RAB11B: variants seen among roughly 807,000 people sequenced by gnomAD.
The protein encoded by RAB11B is RAB11B, member RAS oncogene family, also known as ras-related protein Rab-11B.
A neutral mutation model predicts 23.7 loss-of-function variants in RAB11B; 7 were observed. The observed-to-expected ratio is 0.29, with a 90% CI of 0.17 to 0.55. RAB11B has a LOEUF of 0.55. RAB11B is among the 20% of genes least tolerant of loss of function. RAB11B has a pLI of 0.93. For missense variants in RAB11B, 189 were observed against 320.0 expected (o/e 0.59, Z 3.12); for synonymous variants, 138 against 132.0 (o/e 1.05, Z -0.31).
At chr19:8,390,854 A>G (rs1599683418) in intron 1 of RAB11B, among the ~76,000 whole-genome samples, 1 of 148,564 alleles carries the variant, frequency 6.7e-6, no homozygotes, top group Admixed American at 6.7e-5. Context: ...CTAAGGCGTG[A>G]TGGGCGTGAC....
chr19:8,402,282 G>C lies in RAB11B; in HGVS notation c.430+3G>C. 1.9e-6 allele frequency: 3 copies of C among 1,551,776 alleles called. No homozygotes were observed. The highest frequency in any genetic ancestry group is 2.6e-6 in the Non-Finnish European group (3 of 1,147,964). On this transcript the variant is annotated splice_donor_region_variant and intron_variant, in intron 3 of 4. Transcript: ENST00000328024. The stretch of plus-strand genomic sequence containing the variant: ...TGACGAGGCCCGCGCCTTCGCAGGT[G>C]AGCAGACGGAGACGCAGGCATCAGA...
At chr19:8,403,316 T>G in intron 4 of RAB11B, 97 bp from the exon 5 acceptor site, 1 of 1,460,078 alleles carries the variant, frequency 6.8e-7, no homozygotes, top group South Asian at 1.3e-5. Context: ...GCTGTGGGGG[T>G]CTGGAGAGGG....
chr19:8,401,843 A>T (rs1404866689), intron 2 of RAB11B, among the ~76,000 whole-genome samples: 1 of 151,802 alleles, frequency 6.6e-6, no homozygotes, highest in Non-Finnish European at 1.5e-5. Flanking sequence ...TTTTTTGATG[A>T]CCTCACGGTA....
chr19:8,399,981 C>T lies in RAB11B; in HGVS notation c.159C>T (p.Ile53=), dbSNP rs150629832. Residue 53 remains isoleucine (I), a synonymous_variant, in exon 2 of 5, where the codon ATC becomes ATT. Transcript: ENST00000328024. ...TIGVEFATRS[I]QVDGKTIKAQ... is the part of the protein sequence containing the mutation. ...GCGTGGAGTTCGCCACCCGCAGCAT[C>T]CAGGTGGACGGCAAGACCATCAAGG... 6 of 1,614,100 alleles carry T rather than the reference C, an allele frequency of 3.7e-6. No homozygotes were observed. Among genetic ancestry groups the T allele is most frequent in the Non-Finnish European group, 5.1e-6 (6 of 1,180,024 alleles).
At chr19:8,390,591 A>G (rs1971340218) in intron 1 of RAB11B, 135 bp downstream of exon 1, 3 of 975,012 alleles carry the variant, frequency 3.1e-6, no homozygotes, top group African/African-American at 1.7e-5. Flanking sequence ...GCAGCCGGGA[A>G]GGCCGGAGCC....
At chr19:8,401,849 C>T (rs969970474) in intron 2 of RAB11B, among the ~76,000 whole-genome samples, 6 of 152,216 alleles carry the variant, frequency 3.9e-5, no homozygotes, top group South Asian at 2.1e-4. Context: ...GATGACCTCA[C>T]GGTATCTTCT....
chr19:8,392,404 T>C (rs1216586351), intron 1 of RAB11B, among the ~76,000 whole-genome samples: 2 of 150,294 alleles, frequency 1.3e-5, no homozygotes, highest in Non-Finnish European at 3.0e-5. Context: ...GACTGCTTCC[T>C]GGAAACACTG....
chr19:8,403,666 C>G lies in RAB11B; in HGVS notation c.*108C>G. ...CTGTGGCCGGCTCGTTCCAGCCCTC[C>G]CAGTGAGCTCTGCACGGCCGGGCCG... is the stretch of plus-strand genomic sequence containing the variant. On this transcript the variant is annotated 3_prime_UTR_variant, in exon 5 of 5. Transcript: ENST00000328024. The G allele has an allele frequency of 6.9e-7, 1 of 1,455,686 alleles. No homozygotes were observed. Among genetic ancestry groups the G allele is most frequent in the South Asian group, 1.3e-5 (1 of 76,290 alleles). The allele number at this position is 1,455,686 out of a possible 1,614,324, so 90.2% of individuals were successfully genotyped here.
chr19:8,402,403 G>A lies in RAB11B; in HGVS notation c.431-82G>A. 4 of 1,560,550 alleles carry A rather than the reference G, an allele frequency of 2.6e-6. No homozygotes were observed. The South Asian group carries it at 4.6e-5, about 18-fold the overall frequency. On this transcript the variant is annotated intron_variant, in intron 3 of 4. Transcript: ENST00000328024. ...GAGGAGTGGCCTTGGGATGGGCCAG[G>A]TGGGTGGGCGGGGTCCCTGAGAGCA... is the stretch of plus-strand genomic sequence containing the variant.
Position 8,396,555 on chromosome 19 carries a change from C to T in RAB11B, c.41-3308C>T, listed in dbSNP as rs1013566415. 6.6e-6 allele frequency among the ~76,000 whole-genome samples: 1 copy of T among 152,036 alleles called. No homozygotes were observed. Among genetic ancestry groups the T allele is most frequent in the Non-Finnish European group, 1.5e-5 (1 of 68,008 alleles). ...TCTTGGCCAAGTGGCATTTAAGGGG[C>T]CACACGAAGGGGATGAGGGAGGGAG... On this transcript the variant is annotated intron_variant, in intron 1 of 4. Transcript: ENST00000328024. This position sits in a 1 kb window ranked among gnomAD's most constrained non-coding sequence, Gnocchi z 5.0.
At chr19:8,399,764 C>A in intron 1 of RAB11B, 99 bp from the exon 2 acceptor site, 1 of 1,371,296 alleles carries the variant, frequency 7.3e-7, no homozygotes, top group Non-Finnish European at 1.0e-6. Context: ...ACACCGTTGG[C>A]AGCCGCGTTG....
At position 8,403,959 on chromosome 19, in the gene RAB11B, C is replaced by T. The variant is rs570574162; in HGVS notation, c.*401C>T. 2.2e-4 allele frequency: 37 copies of T among 171,952 alleles called. No homozygotes were observed. The South Asian group carries it at 3.8e-3, about 18-fold the overall frequency. 10.7% of individuals were successfully genotyped at this position (171,952 alleles called of 1,614,324 possible). ...CCAGCCCGTCGTCCCCACCCAGAACCGTGCTCTGGGCCAAAGCCCGAAGAA... is the reference window on the plus strand; with the variant it reads ...CCAGCCCGTCGTCCCCACCCAGAACTGTGCTCTGGGCCAAAGCCCGAAGAA... On this transcript the variant is annotated 3_prime_UTR_variant, in exon 5 of 5. Coordinates refer to ENST00000328024, the MANE Select transcript of RAB11B (RefSeq NM_004218.4).
intron 1 of RAB11B, among the ~76,000 whole-genome samples, chr19:8,393,254 T>A (rs564262797): frequency 6.6e-6 from 1 of 152,344 alleles, no homozygotes; most frequent in African/African-American, 2.4e-5. Context: ...TCTTTTCTGA[T>A]GGACTCGGTA....
At chr19:8,395,343 G>A (rs1056701966) in intron 1 of RAB11B, among the ~76,000 whole-genome samples, 4 of 149,128 alleles carry the variant, frequency 2.7e-5, no homozygotes, top group African/African-American at 5.0e-5. Flanking sequence ...GCACGATCCC[G>A]GCTCACTGCA....
rs769527918 is a variant in RAB11B at position 8,402,186 on chromosome 19, G to A, written c.337G>A (p.Ala113Thr). 7 of 1,597,162 alleles carry A rather than the reference G, an allele frequency of 4.4e-6. No homozygotes were observed. Among genetic ancestry groups the A allele is most frequent in the Non-Finnish European group, 6.0e-6 (7 of 1,171,940 alleles). The change falls in exon 3 of 5, where the codon GCA becomes ACA. Residue 113 changes from alanine (A) to threonine (T), a missense_variant. This residue lies in a region of RAB11B where 122 missense variants were observed against 170.8 expected (regional missense o/e 0.71). Transcript: ENST00000328024. ...ERWLKELRDHADSNIVIMLVG... is the reference protein window; with the variant it reads ...ERWLKELRDHTDSNIVIMLVG... ...CTGGCTGAAGGAGCTGCGGGACCAC[G>A]CAGACAGCAACATCGTCATCATGCT...
chr19:8,392,685 C>CTTTTTTTTTTTTTTTTTTTTTTT (rs74176644), intron 1 of RAB11B, among the ~76,000 whole-genome samples: 2 of 79,666 alleles, frequency 2.5e-5, no homozygotes, highest in Middle Eastern at 0.017. Flanking sequence ...TTTTTCTTTT[C>CTTTTTTTTTTTTTTTTTTTTTTT]TTTTTTTTTT....
At chr19:8,394,409 C>T (rs1192909830) in intron 1 of RAB11B, among the ~76,000 whole-genome samples, 1 of 152,182 alleles carries the variant, frequency 6.6e-6, no homozygotes, top group Non-Finnish European at 1.5e-5. Flanking sequence ...CCCGCCTTGG[C>T]CTCCCAAAGT....
intron 4 of RAB11B, 35 bp from the exon 5 acceptor site, chr19:8,403,378 G>A: frequency 6.3e-7 from 1 of 1,586,644 alleles, no homozygotes; most frequent in South Asian, 1.1e-5. Flanking sequence ...GGCACGTGCT[G>A]GCTCACCCCA....
chr19:8,392,725 T>C (rs1396494553), intron 1 of RAB11B, among the ~76,000 whole-genome samples: 1 of 128,630 alleles, frequency 7.8e-6, no homozygotes, highest in Non-Finnish European at 1.6e-5. Context: ...AATTTTACTC[T>C]AGTCACCCAG....
Sources: allele counts gnomAD v4.1 joint callset (sites outside exome capture counted in the v4.1 genomes callset), GRCh38; gene constraint gnomAD v4.1.1; regional missense constraint gnomAD v4.1.1; non-coding constraint Gnocchi (gnomAD v3.1); transcripts MANE v1.5; gene names NCBI Gene and HGNC (gene_info 2026-07-23, HGNC 2026-07-21).